The following SMARCA5 variants were observed in gnomAD, a reference collection of about 807,000 sequenced individuals.
The protein encoded by SMARCA5 is SNF2 related chromatin remodeling ATPase 5.
In SMARCA5, 18 loss-of-function variants were observed where a neutral mutation model predicts 140.4. The ratio of observed to expected loss-of-function variants is 0.13; its 90% CI spans 0.09 to 0.19. The LOEUF (loss-of-function observed/expected upper bound fraction) is 0.19, where lower values mean the gene tolerates loss of function less well. Ranked by LOEUF, SMARCA5 falls within the 10% of genes least tolerant of loss-of-function variation. The pLI is 1.00. For synonymous variants in SMARCA5, 449 were observed against 419.6 expected (o/e 1.07, Z -0.86); for missense variants, 606 against 1,276.8 (o/e 0.47, Z 8.01).
At chr4:143,527,244 T>G (rs1737092974) in intron 6 of SMARCA5, among the ~76,000 whole-genome samples, 1 of 152,236 alleles carries the variant, frequency 6.6e-6, no homozygotes, top group Non-Finnish European at 1.5e-5. Flanking sequence ...ATTTGGAAAT[T>G]TATTCAGACT....
chr4:143,521,353 A>T, intron 2 of SMARCA5, 76 bp from the exon 3 acceptor site: 1 of 938,862 alleles, frequency 1.1e-6, no homozygotes, highest in Non-Finnish European at 1.6e-6. Flanking sequence ...CATTGTATGG[A>T]GGCATGCTGA....
chr4:143,522,182 T>G (rs1190353961), intron 3 of SMARCA5, among the ~76,000 whole-genome samples: 1 of 152,200 alleles, frequency 6.6e-6, no homozygotes, highest in African/African-American at 2.4e-5. Context: ...TTGTGATGAC[T>G]TACATCACGG....
At chr4:143,548,915 C>T (rs1168607343) in intron 22 of SMARCA5, among the ~76,000 whole-genome samples, 1 of 151,982 alleles carries the variant, frequency 6.6e-6, no homozygotes, top group Non-Finnish European at 1.5e-5. Flanking sequence ...TGTTTGACCA[C>T]TGAAAATTTT....
At chr4:143,520,831 C>T (rs748439606) in intron 2 of SMARCA5, among the ~76,000 whole-genome samples, 8 of 151,786 alleles carry the variant, frequency 5.3e-5, no homozygotes, top group South Asian at 2.1e-4. Context: ...TCCATTCTCT[C>T]GGTATTATAA....
At chr4:143,529,252 A>C (rs1324461324) in intron 8 of SMARCA5, among the ~76,000 whole-genome samples, 2 of 152,026 alleles carry the variant, frequency 1.3e-5, no homozygotes, top group South Asian at 2.1e-4. Context: ...TCTTTAAATC[A>C]TTGTTTTCTC....
chr4:143,555,341 T>C lies in SMARCA5; in HGVS notation c.*2157T>C, dbSNP rs139509880. On this transcript the variant is annotated 3_prime_UTR_variant, in exon 24 of 24. Transcript: ENST00000283131. ...GCTTCAATCATTACCAAATCTATTA[T>C]AGCAATCCCCACTGCCACCATATCC... 463 of 727,374 alleles carry C rather than the reference T, an allele frequency of 6.4e-4. 2 individuals carry two copies. In the African/African-American group the frequency reaches 6.9e-3, roughly 11 times the overall value. The allele number at this position is 727,374 out of a possible 1,614,324, so 45.1% of individuals were successfully genotyped here. A position where few individuals can be genotyped will look rare whatever the true frequency, so the allele number is the denominator to read the frequency against.
intron 4 of SMARCA5, 88 bp downstream of exon 4, chr4:143,524,555 G>A (rs1737029162): frequency 1.3e-6 from 1 of 783,686 alleles, no homozygotes; most frequent in Non-Finnish European, 2.1e-6. Context: ...GCTACTATTT[G>A]TGAAGCAAAT....
At position 143,526,170 on chromosome 4, in the gene SMARCA5, CTG is replaced by C. The variant is rs992452746; in HGVS notation, c.622-109_622-108del. 1.3e-4 allele frequency: 110 copies of C among 868,476 alleles called. 1 individual carries two copies. The highest frequency in any genetic ancestry group is 1.2e-3 in the African/African-American group (70 of 58,542). The allele number at this position is 868,476 out of a possible 1,614,324, so 53.8% of individuals were successfully genotyped here. A position where few individuals can be genotyped will look rare whatever the true frequency, so the allele number is the denominator to read the frequency against. ...ATGTTAAGTTTTTGCCATTTATTAACTGTTATAAATATGTAGCATTTCTTTTG... is the reference window on the plus strand; with the variant it reads ...ATGTTAAGTTTTTGCCATTTATTAACTTATAAATATGTAGCATTTCTTTTG... On this transcript the variant is annotated intron_variant, in intron 5 of 23. Transcript: ENST00000283131.
chr4:143,545,616 C>T (rs1737509280), intron 18 of SMARCA5, 33 bp downstream of exon 18: 1 of 1,258,282 alleles, frequency 7.9e-7, no homozygotes, highest in African/African-American at 1.5e-5. Context: ...CTGTTCATTC[C>T]TATCCAGAAA....
In SMARCA5 at chr4:143,556,177, A is replaced by C. The variant is rs1198937381; in HGVS notation, c.*2993A>C. On this transcript the variant is annotated 3_prime_UTR_variant, in exon 24 of 24. Transcript: ENST00000283131. ...TTCTAAAGTCTGGAAAATGCTAAAA[A>C]CACTTCTGGTTCCAGGCATTTCAGA... is the stretch of plus-strand genomic sequence containing the variant. 1 of 152,156 alleles carries C rather than the reference A, an allele frequency of 6.6e-6. No individual in the cohort carries two copies. The highest frequency in any genetic ancestry group is 2.4e-5 in the African/African-American group (1 of 41,430). 9.4% of individuals were successfully genotyped at this position (152,156 alleles called of 1,614,324 possible).
chr4:143,550,159 GTAT>G, intron 23 of SMARCA5, 55 bp downstream of exon 23: 1 of 941,768 alleles, frequency 1.1e-6, no homozygotes, highest in Non-Finnish European at 1.6e-6. Context: ...CCCTTTCTAA[GTAT>G]TTAACACTGC....
In SMARCA5 at chr4:143,517,449, A is replaced by G. The variant is rs758631863; in HGVS notation, c.252+20A>G. ...AAAATGGTATGTTCTAGGCTTGTGAATAGAGTCTATAAGGAAAACTTTTTA... is the reference window on the plus strand; with the variant it reads ...AAAATGGTATGTTCTAGGCTTGTGAGTAGAGTCTATAAGGAAAACTTTTTA... On this transcript the variant is annotated intron_variant, in intron 2 of 23. Coordinates refer to ENST00000283131, the MANE Select transcript of SMARCA5 (RefSeq NM_003601.4). 2 of 1,511,190 alleles carry G rather than the reference A, an allele frequency of 1.3e-6. No homozygotes were observed. Among genetic ancestry groups the G allele is most frequent in the East Asian group, 2.3e-5 (1 of 43,224 alleles). 93.6% of individuals were successfully genotyped at this position (1,511,190 alleles called of 1,614,324 possible).
rs568108505 is a variant in SMARCA5 at position 143,556,903 on chromosome 4, G to A, written c.*3719G>A. The A allele has an allele frequency of 1.3e-5, 2 of 152,140 alleles. No individual in the cohort carries two copies. Among genetic ancestry groups the A allele is most frequent in the Admixed American group, 1.3e-4 (2 of 15,270 alleles). The allele number at this position is 152,140 out of a possible 1,614,324, so 9.4% of individuals were successfully genotyped here. A position where few individuals can be genotyped will look rare whatever the true frequency, so the allele number is the denominator to read the frequency against. On this transcript the variant is annotated 3_prime_UTR_variant, in exon 24 of 24. Coordinates refer to ENST00000283131, the MANE Select transcript of SMARCA5 (RefSeq NM_003601.4). ...ACAAGAACCAAAATTGAAGTAAGAA[G>A]AAAAAGACTGAAATGATATGATTCT... is the stretch of plus-strand genomic sequence containing the variant.
chr4:143,530,655 C>G, intron 9 of SMARCA5, 129 bp downstream of exon 9: 1 of 590,534 alleles, frequency 1.7e-6, no homozygotes. Context: ...TGAATTCTGA[C>G]ACTTAACTCT....
rs1410740677 is a variant in SMARCA5, at chr4:143,555,643, A to G, written c.*2459A>G. On this transcript the variant is annotated 3_prime_UTR_variant, in exon 24 of 24. Coordinates refer to ENST00000283131, the MANE Select transcript of SMARCA5 (RefSeq NM_003601.4). ...CTGACAAAGTGCTGGAGGCTATTAT[A>G]AAGTGTAATTATTACTACTTTTAAG... 2 of 268,192 alleles carry G rather than the reference A, an allele frequency of 7.5e-6. No homozygotes were observed. The highest frequency in any genetic ancestry group is 1.4e-5 in the Non-Finnish European group (2 of 138,264). 16.6% of individuals were successfully genotyped at this position (268,192 alleles called of 1,614,324 possible).
intron 22 of SMARCA5, among the ~76,000 whole-genome samples, chr4:143,549,022 A>G (rs1737584725): frequency 6.6e-6 from 1 of 152,088 alleles, no homozygotes; most frequent in Non-Finnish European, 1.5e-5. Flanking sequence ...CTGTATAAAT[A>G]TATAATTAGA....
intron 1 of SMARCA5, among the ~76,000 whole-genome samples, chr4:143,516,170 T>TA: frequency 6.6e-6 from 1 of 151,756 alleles, no homozygotes; most frequent in Non-Finnish European, 1.5e-5. Context: ...TGATCTAAGG[T>TA]GTTTTTCTAA....
intron 8 of SMARCA5, among the ~76,000 whole-genome samples, chr4:143,529,917 TAA>T (rs1737152191): frequency 1.3e-5 from 2 of 152,184 alleles, no homozygotes; most frequent in African/African-American, 2.4e-5. Flanking sequence ...CAGTGAATTC[TAA>T]GATTATGTTT....
In SMARCA5 at chr4:143,555,211, C is replaced by T; in HGVS notation, c.*2027C>T. The T allele has an allele frequency of 5.0e-6, 4 of 794,786 alleles. No homozygotes were observed. The highest frequency in any genetic ancestry group is 8.8e-6 in the Non-Finnish European group (4 of 454,458). The allele number at this position is 794,786 out of a possible 1,614,324, so 49.2% of individuals were successfully genotyped here. On this transcript the variant is annotated 3_prime_UTR_variant, in exon 24 of 24. Transcript: ENST00000283131. ...AGTATTGGCCTCTACCACCATAGGG[C>T]CCAGAGCTTCTGCCTCCAAAGTTTC...
Sources: allele counts gnomAD v4.1 joint callset (sites outside exome capture counted in the v4.1 genomes callset), GRCh38; gene constraint gnomAD v4.1.1; transcripts MANE v1.5; gene names NCBI Gene and HGNC (gene_info 2026-07-23, HGNC 2026-07-21).